The following NBAS variants were observed in gnomAD, a reference collection of about 807,000 sequenced individuals.
The protein encoded by NBAS is NAG/BC035112 fusion.
NBAS carries 219 observed loss-of-function variants against 302.5 expected under a neutral mutation model. The observed-to-expected ratio is 0.72, with a 90% CI of 0.65 to 0.81. The LOEUF (loss-of-function observed/expected upper bound fraction) is 0.81. Ranked by LOEUF, NBAS falls within the 30% of genes least tolerant of loss-of-function variation. The probability of loss-of-function intolerance (pLI) is 0.00; values close to 1 mark genes in which losing one functional copy is unlikely to be tolerated. For missense variants in NBAS, 2,932 were observed against 2,841.6 expected, an observed-to-expected ratio of 1.03 and a Z score of -0.72; for synonymous variants, 1,118 against 1,021.6, an observed-to-expected ratio of 1.09 and a Z score of -1.80.
the NBAS span, among the ~76,000 whole-genome samples, chr2:14,920,125 T>C: frequency 6.6e-6 from 1 of 152,212 alleles, no homozygotes; most frequent in African/African-American, 2.4e-5. Context: ...TATTCCTTGA[T>C]CCATAGGCTA....
chr2:15,498,122 T>C (rs553122735), intron 11 of NBAS, among the ~76,000 whole-genome samples: 1 of 152,226 alleles, frequency 6.6e-6, no homozygotes, highest in East Asian at 1.9e-4. Flanking sequence ...CATGTAGGGG[T>C]ATACAGAAAC....
the NBAS span, among the ~76,000 whole-genome samples, chr2:15,073,667 T>G: frequency 6.6e-6 from 1 of 152,146 alleles, no homozygotes; most frequent in Admixed American, 6.6e-5. Context: ...TTTCTCATGT[T>G]ATACACAGAA....
the NBAS span, among the ~76,000 whole-genome samples, chr2:14,947,852 C>T: frequency 6.6e-6 from 1 of 151,412 alleles, no homozygotes; most frequent in Non-Finnish European, 1.5e-5. Flanking sequence ...TTATTAAATG[C>T]TTTTTTCATG....
the NBAS span, among the ~76,000 whole-genome samples, chr2:14,926,243 C>A: frequency 6.6e-6 from 1 of 152,304 alleles, no homozygotes; most frequent in South Asian, 2.1e-4. Context: ...TCACACCTAC[C>A]TCCACTGCAG....
intron 44 of NBAS, among the ~76,000 whole-genome samples, chr2:15,244,358 C>T (rs571072498): frequency 6.6e-4 from 101 of 152,196 alleles, no homozygotes; most frequent in African/African-American, 2.0e-3. Flanking sequence ...GTGGGGAGGT[C>T]TTCCCTGGAG....
chr2:15,406,700 G>T (rs1676432220), intron 25 of NBAS, among the ~76,000 whole-genome samples: 1 of 151,848 alleles, frequency 6.6e-6, no homozygotes, highest in Non-Finnish European at 1.5e-5. Flanking sequence ...TAAAAATTAA[G>T]GTACAAAGGA....
chr2:15,492,592 G>T (rs1383181605), intron 11 of NBAS, among the ~76,000 whole-genome samples: 2 of 151,998 alleles, frequency 1.3e-5, no homozygotes, highest in African/African-American at 2.4e-5. Flanking sequence ...GAGTAGCCAG[G>T]ACTACAGGCA....
chr2:15,044,130 C>CT, the NBAS span, among the ~76,000 whole-genome samples: 967 of 149,408 alleles, frequency 6.5e-3, 8 homozygotes, highest in African/African-American at 0.021. Flanking sequence ...AACTTAAAAA[C>CT]TTTTTTTTTT....
the NBAS span, among the ~76,000 whole-genome samples, chr2:15,079,879 T>C: frequency 6.6e-6 from 1 of 152,194 alleles, no homozygotes; most frequent in Non-Finnish European, 1.5e-5. Context: ...ACATAACTAA[T>C]AAGTACTTAC....
At chr2:14,919,465 G>T in the NBAS span, among the ~76,000 whole-genome samples, 24 of 152,192 alleles carry the variant, frequency 1.6e-4, no homozygotes, top group Admixed American at 5.2e-4. Context: ...GCCATGACTG[G>T]GGCAATTTCT....
the NBAS span, among the ~76,000 whole-genome samples, chr2:15,051,558 C>A: frequency 6.6e-5 from 10 of 152,132 alleles, no homozygotes; most frequent in African/African-American, 2.4e-4. Flanking sequence ...ATAAAATCTG[C>A]CTCCCAGAGT....
At chr2:15,033,142 C>T in the NBAS span, among the ~76,000 whole-genome samples, 1 of 152,218 alleles carries the variant, frequency 6.6e-6, no homozygotes, top group Non-Finnish European at 1.5e-5. Flanking sequence ...TAGCATCAGA[C>T]CAAAGAAGAT....
chr2:15,079,829 C>T, the NBAS span, among the ~76,000 whole-genome samples: 10 of 152,208 alleles, frequency 6.6e-5, no homozygotes, highest in South Asian at 4.2e-4. Context: ...TCGTTGTCTC[C>T]GTGGAGCTAG....
chr2:15,406,642 A>G (rs898375450), intron 25 of NBAS, among the ~76,000 whole-genome samples: 1 of 152,200 alleles, frequency 6.6e-6, no homozygotes, highest in Non-Finnish European at 1.5e-5. Context: ...AGAAATATTA[A>G]TATATGCCAC....
At chr2:15,018,692 T>A in the NBAS span, among the ~76,000 whole-genome samples, 1 of 152,232 alleles carries the variant, frequency 6.6e-6, no homozygotes, top group East Asian at 1.9e-4. Flanking sequence ...TTCATGCATG[T>A]AGAGGAAGGT....
At chr2:15,554,741 G>A (rs1390768220) in intron 3 of NBAS, among the ~76,000 whole-genome samples, 4 of 151,338 alleles carry the variant, frequency 2.6e-5, no homozygotes, top group South Asian at 2.1e-4. Context: ...CCTCACCATA[G>A]GCCCAGGGAG....
intron 48 of NBAS, among the ~76,000 whole-genome samples, chr2:15,204,005 T>C (rs1163178105): frequency 6.6e-6 from 1 of 151,468 alleles, no homozygotes; most frequent in Non-Finnish European, 1.5e-5. Context: ...ATGTCTATAA[T>C]GCATCCAGCA....
the NBAS span, among the ~76,000 whole-genome samples, chr2:15,059,574 G>A: frequency 3.3e-5 from 5 of 152,142 alleles, no homozygotes; most frequent in African/African-American, 9.6e-5. Flanking sequence ...ATAGAACCCT[G>A]GGAGCCCAAC....
At chr2:15,298,543 T>C (rs1572613486) in intron 40 of NBAS, among the ~76,000 whole-genome samples, 1 of 152,218 alleles carries the variant, frequency 6.6e-6, no homozygotes, top group East Asian at 1.9e-4. Context: ...TTGTAAGTTC[T>C]AGCTCCCTAT....
Sources: allele counts gnomAD v4.1 joint callset (sites outside exome capture counted in the v4.1 genomes callset), GRCh38; gene constraint gnomAD v4.1.1; transcripts MANE v1.5; gene names NCBI Gene and HGNC (gene_info 2026-07-23, HGNC 2026-07-21).